PPP2R1A: variants seen among roughly 807,000 people sequenced by gnomAD.
The protein encoded by PPP2R1A is serine/threonine-protein phosphatase 2A 65 kDa regulatory subunit A alpha isoform.
A neutral mutation model predicts 67.1 loss-of-function variants in PPP2R1A; 15 were observed. The ratio of observed to expected loss-of-function variants is 0.22; its 90% CI spans 0.15 to 0.34. The LOEUF is 0.34. PPP2R1A is among the 10% of genes least tolerant of loss of function. The pLI is 1.00. For missense variants in PPP2R1A, 369 were observed against 775.0 expected, an observed-to-expected ratio of 0.48 and a Z score of 6.22; for synonymous variants, 337 against 325.0, an observed-to-expected ratio of 1.04 and a Z score of -0.40.
rs771332782 is a variant in PPP2R1A at position 52,216,020 on chromosome 19, C to T, written c.939C>T (p.Leu313=). The T allele has an allele frequency of 5.3e-5, 86 of 1,614,002 alleles. No individual in the cohort carries two copies. The highest frequency in any genetic ancestry group is 2.3e-4 in the Admixed American group (14 of 59,992). Residue 313 remains leucine (L), a synonymous_variant, in exon 8 of 15, where the codon CTC becomes CTT. Transcript: ENST00000322088. The surrounding 1 kb of genome is among the most constrained non-coding windows in gnomAD (Gnocchi z 4.3). ...TGCCCACAGAGTTCTGTGAAAACCT[C>T]TCAGCTGACTGTCGGGAGAATGTGA... ...SHKVKEFCEN[L]SADCRENVIM... is the part of the protein sequence containing the mutation.
At chr19:52,209,385 C>CA (rs1302107374) in intron 3 of PPP2R1A, among the ~76,000 whole-genome samples, 1 of 152,180 alleles carries the variant, frequency 6.6e-6, no homozygotes, top group Non-Finnish European at 1.5e-5. Flanking sequence ...CTTGAGACGT[C>CA]ACGATAGCAT....
rs1978834840 is a variant in PPP2R1A, at chr19:52,220,268, G to A, written c.1363+19G>A. 6.2e-7 allele frequency: 1 copy of A among 1,612,092 alleles called. No homozygotes were observed. The highest frequency in any genetic ancestry group is 8.5e-7 in the Non-Finnish European group (1 of 1,178,452). ...GATCATGGTGAGTACCTTCACAGGA[G>A]CAGCAAGAGGAGATGGGAGCTCCAG... On this transcript the variant is annotated intron_variant, in intron 11 of 14. Transcript: ENST00000322088.
chr19:52,221,996 T>G, intron 12 of PPP2R1A, 103 bp from the exon 13 acceptor site: 1 of 1,244,198 alleles, frequency 8.0e-7, no homozygotes, highest in Non-Finnish European at 1.1e-6. Context: ...GCTCAGCCTC[T>G]GTGGGGCCTG....
chr19:52,195,659 G>A (rs2089491057), intron 1 of PPP2R1A, among the ~76,000 whole-genome samples: 2 of 152,214 alleles, frequency 1.3e-5, no homozygotes, highest in African/African-American at 2.4e-5. Context: ...TGCTAGAGCA[G>A]CTCTCAGAAC....
At chr19:52,200,974 ATAT>A (rs1199302751) in intron 1 of PPP2R1A, 2 of 150,946 alleles carry the variant, frequency 1.3e-5, no homozygotes, top group East Asian at 3.9e-4. Flanking sequence ...GTTTAGGGTG[ATAT>A]TATCTGGACA....
Position 52,213,220 on chromosome 19 carries a change from T to C in PPP2R1A, c.807+110T>C. 3 of 1,331,278 alleles carry C rather than the reference T, an allele frequency of 2.3e-6. No homozygotes were observed. Among genetic ancestry groups the C allele is most frequent in the Non-Finnish European group, 3.0e-6 (3 of 1,014,706 alleles). The allele number at this position is 1,331,278 out of a possible 1,614,324, so 82.5% of individuals were successfully genotyped here. ...TTAGGCCGATGGAACCATTGGGCGTTTGAGCAATAAGATCTCTATGATCAT... is the reference window on the plus strand; with the variant it reads ...TTAGGCCGATGGAACCATTGGGCGTCTGAGCAATAAGATCTCTATGATCAT... On this transcript the variant is annotated intron_variant, in intron 6 of 14. Transcript: ENST00000322088. This position sits in a 1 kb window ranked among gnomAD's most constrained non-coding sequence, Gnocchi z 4.2.
At chr19:52,221,656 A>G (rs1978937468) in intron 12 of PPP2R1A, among the ~76,000 whole-genome samples, 1 of 152,180 alleles carries the variant, frequency 6.6e-6, no homozygotes, top group African/African-American at 2.4e-5. Flanking sequence ...CACAGGGCTT[A>G]GAACAGTTAT....
At chr19:52,207,369 G>A (rs1465634457) in intron 3 of PPP2R1A, among the ~76,000 whole-genome samples, 2 of 152,132 alleles carry the variant, frequency 1.3e-5, no homozygotes, top group African/African-American at 2.4e-5. Context: ...TTATGAAACC[G>A]CAAGGCTTCA....
chr19:52,200,220 G>A (rs577610814), intron 1 of PPP2R1A: 1 of 152,214 alleles, frequency 6.6e-6, no homozygotes, highest in African/African-American at 2.4e-5. Context: ...TCCCCCTCAT[G>A]AAAGCATTTC....
In PPP2R1A at chr19:52,211,716, A is replaced by T; in HGVS notation, c.503+224A>T. On this transcript the variant is annotated intron_variant, in intron 4 of 14. Coordinates refer to ENST00000322088, the MANE Select transcript of PPP2R1A (RefSeq NM_014225.6). The surrounding 1 kb of genome is among the most constrained non-coding windows in gnomAD (Gnocchi z 5.3). ...CCCCCTTGCTCACTTAGGAATTGAGATGATGACAGGTCCTCCTTCCCACTG... is the reference window on the plus strand; with the variant it reads ...CCCCCTTGCTCACTTAGGAATTGAGTTGATGACAGGTCCTCCTTCCCACTG... 1.7e-6 allele frequency: 1 copy of T among 576,900 alleles called. No individual in the cohort carries two copies. The highest frequency in any genetic ancestry group is 2.2e-5 in the South Asian group (1 of 44,484). 35.7% of individuals were successfully genotyped at this position (576,900 alleles called of 1,614,324 possible).
chr19:52,195,145 T>C (rs1419699916), intron 1 of PPP2R1A, among the ~76,000 whole-genome samples: 1 of 152,176 alleles, frequency 6.6e-6, no homozygotes, highest in Non-Finnish European at 1.5e-5. Flanking sequence ...ATGGGTTGAA[T>C]GCAGGGTGGA....
chr19:52,202,912 T>C (rs2089565884), intron 2 of PPP2R1A, among the ~76,000 whole-genome samples: 1 of 152,258 alleles, frequency 6.6e-6, no homozygotes, highest in Non-Finnish European at 1.5e-5. Context: ...AGGCTGTTAC[T>C]AAGCACTGCT....
chr19:52,201,175 G>C (rs961334402), intron 1 of PPP2R1A: 1 of 151,764 alleles, frequency 6.6e-6, no homozygotes, highest in Non-Finnish European at 1.5e-5. Flanking sequence ...ACTTAACTAC[G>C]CCTGCAAAGA....
intron 1 of PPP2R1A, chr19:52,201,174 C>T (rs937282880): frequency 6.6e-6 from 1 of 151,920 alleles, no homozygotes; most frequent in African/African-American, 2.4e-5. Flanking sequence ...CACTTAACTA[C>T]GCCTGCAAAG....
rs2122336679 is a variant in PPP2R1A, at chr19:52,212,888, A to G, written c.651+55A>G. ...CCCGTCCTTCTGGTGGTTCCTGCCC[A>G]TGAAAGAGAATCCCAGAGCTCAGCA... On this transcript the variant is annotated intron_variant, in intron 5 of 14. Transcript: ENST00000322088. The surrounding 1 kb of genome is among the most constrained non-coding windows in gnomAD (Gnocchi z 4.1). The G allele has an allele frequency of 1.9e-6, 3 of 1,567,162 alleles. No homozygotes were observed. Among genetic ancestry groups the G allele is most frequent in the South Asian group, 1.2e-5 (1 of 83,306 alleles).
At chr19:52,197,143 A>G (rs1469525676) in intron 1 of PPP2R1A, among the ~76,000 whole-genome samples, 1 of 152,130 alleles carries the variant, frequency 6.6e-6, no homozygotes, top group African/African-American at 2.4e-5. Context: ...ATTTTCATTA[A>G]CCTTTAACTT....
chr19:52,211,198 G>A lies in PPP2R1A; in HGVS notation c.271-62G>A, dbSNP rs2089666313. Reference sequence around the variant, plus strand: ...TGAGCCCATGATGGGGTGCAGGATGGGGCTCCAGGGCTGCGGATGGTGGAG... The same window carrying A: ...TGAGCCCATGATGGGGTGCAGGATGAGGCTCCAGGGCTGCGGATGGTGGAG... On this transcript the variant is annotated intron_variant, in intron 3 of 14. Transcript: ENST00000322088. This position sits in a 1 kb window ranked among gnomAD's most constrained non-coding sequence, Gnocchi z 5.3. 1 of 1,509,104 alleles carries A rather than the reference G, an allele frequency of 6.6e-7. No individual in the cohort carries two copies. The highest frequency in any genetic ancestry group is 1.4e-5 in the African/African-American group (1 of 72,574). The allele number at this position is 1,509,104 out of a possible 1,614,324, so 93.5% of individuals were successfully genotyped here.
In PPP2R1A at chr19:52,226,017, C is replaced by T. The variant is rs1459876929; in HGVS notation, c.*36C>T. ...GGAGCAAACACTGGCCTCTGGTGTCCACCCTCCAACCCCCACAAGTCCCTC... is the reference window on the plus strand; with the variant it reads ...GGAGCAAACACTGGCCTCTGGTGTCTACCCTCCAACCCCCACAAGTCCCTC... On this transcript the variant is annotated 3_prime_UTR_variant, in exon 15 of 15. Transcript: ENST00000322088. 2.5e-6 allele frequency: 4 copies of T among 1,614,016 alleles called. No homozygotes were observed. The highest frequency in any genetic ancestry group is 3.3e-5 in the Admixed American group (2 of 60,010).
At position 52,212,919 on chromosome 19, in the gene PPP2R1A, T is replaced by C. The variant is rs2089685385; in HGVS notation, c.652-36T>C. On this transcript the variant is annotated intron_variant, in intron 5 of 14. Coordinates refer to ENST00000322088, the MANE Select transcript of PPP2R1A (RefSeq NM_014225.6). This position sits in a 1 kb window ranked among gnomAD's most constrained non-coding sequence, Gnocchi z 4.1. ...GAGAATCCCAGAGCTCAGCAAGGCCTCTGCTGCCCTCCCACTGTTCCTCTC... is the reference window on the plus strand; with the variant it reads ...GAGAATCCCAGAGCTCAGCAAGGCCCCTGCTGCCCTCCCACTGTTCCTCTC... The C allele has an allele frequency of 2.5e-6, 4 of 1,568,852 alleles. No homozygotes were observed. In the East Asian group the frequency reaches 9.0e-5, roughly 35 times the overall value.
Sources: allele counts gnomAD v4.1 joint callset (sites outside exome capture counted in the v4.1 genomes callset), GRCh38; gene constraint gnomAD v4.1.1; non-coding constraint Gnocchi (gnomAD v3.1); transcripts MANE v1.5; gene names NCBI Gene and HGNC (gene_info 2026-07-23, HGNC 2026-07-21).